Variants in NRXN1 observed in about 807,000 individuals in gnomAD.
The protein encoded by NRXN1 is neurexin 1, also known as neurexin-1.
NRXN1 carries 39 observed loss-of-function variants against 150.9 expected under a neutral mutation model. That is an observed-to-expected ratio of 0.26 (90% CI 0.20 to 0.34). The LOEUF is 0.34. Ranked by LOEUF, NRXN1 falls within the 10% of genes least tolerant of loss-of-function variation. The pLI, the probability that NRXN1 is intolerant of heterozygous loss-of-function variation, is 1.00. For synonymous variants in NRXN1, 924 were observed against 757.0 expected (o/e 1.22, Z -3.62); for missense variants, 1,815 against 1,949.9 (o/e 0.93, Z 1.30).
chr2:50,963,379 C>T (rs1693515373), intron 2 of NRXN1, among the ~76,000 whole-genome samples: 1 of 151,578 alleles, frequency 6.6e-6, no homozygotes, highest in Non-Finnish European at 1.5e-5. Context: ...TTCCTCCTTT[C>T]ATTCCCTGAA....
At chr2:50,864,630 CA>C (rs1333249281) in intron 5 of NRXN1, among the ~76,000 whole-genome samples, 1 of 151,952 alleles carries the variant, frequency 6.6e-6, no homozygotes, top group African/African-American at 2.4e-5. Flanking sequence ...TGCCATATCA[CA>C]AAAAATATTC....
chr2:50,076,400 C>A (rs1697111123), intron 19 of NRXN1, among the ~76,000 whole-genome samples: 1 of 152,204 alleles, frequency 6.6e-6, no homozygotes, highest in African/African-American at 2.4e-5. Flanking sequence ...TTTTACTCAG[C>A]ACTTACTACT....
intron 17 of NRXN1, among the ~76,000 whole-genome samples, chr2:50,302,316 A>C (rs781005091): frequency 2.0e-5 from 3 of 152,208 alleles, no homozygotes; most frequent in Admixed American, 6.5e-5. Flanking sequence ...AACTTTAATT[A>C]AAGTTTCATA....
intron 5 of NRXN1, among the ~76,000 whole-genome samples, chr2:50,807,203 A>C (rs1030537846): frequency 6.6e-6 from 1 of 152,118 alleles, no homozygotes; most frequent in African/African-American, 2.4e-5. Flanking sequence ...GAAGACATAA[A>C]GATATAAAAA....
Position 50,230,764 on chromosome 2 carries a change from T to C in NRXN1, c.3546+6025A>G, listed in dbSNP as rs550418746. Among the ~76,000 whole-genome samples, 13 of 152,172 alleles carry C rather than the reference T, an allele frequency of 8.5e-5. No individual in the cohort carries two copies. The South Asian group carries it at 2.5e-3, about 29-fold the overall frequency. ...GACCAGTAATTTAGAAGTTGAGAAATTGAATTAACTTCCAAGGGAAAAGGA... is the reference window on the plus strand; with the variant it reads ...GACCAGTAATTTAGAAGTTGAGAAACTGAATTAACTTCCAAGGGAAAAGGA... On this transcript the variant is annotated intron_variant, in intron 18 of 22. Transcript: ENST00000401669.
intron 5 of NRXN1, among the ~76,000 whole-genome samples, chr2:50,868,568 T>A (rs2106082672): frequency 6.6e-6 from 1 of 151,788 alleles, no homozygotes; most frequent in Non-Finnish European, 1.5e-5. Context: ...ATAAAAAAAA[T>A]TAACTTCAAA....
intron 8 of NRXN1, among the ~76,000 whole-genome samples, chr2:50,610,933 A>G (rs1268835930): frequency 2.0e-5 from 3 of 149,646 alleles, no homozygotes; most frequent in South Asian, 2.1e-4. Flanking sequence ...TTTAATAGAG[A>G]TGGGATTTCA....
chr2:49,974,401 C>T (rs1678574019), intron 21 of NRXN1, among the ~76,000 whole-genome samples: 1 of 152,056 alleles, frequency 6.6e-6, no homozygotes, highest in Admixed American at 6.6e-5. Flanking sequence ...TCCCTCTAAC[C>T]CCCGACCGAA....
Position 50,538,587 on chromosome 2 carries a change from C to T in NRXN1, c.1809G>A (p.Glu603=). The part of the protein sequence containing the change: ...TLRTPYTAPG[E]SEILDLDDEL... ...CATCATCCAGGTCCAGAATCTCACTCTCACCAGGAGCAGTGTAGGGAGTAC... is the reference window on the plus strand; with the variant it reads ...CATCATCCAGGTCCAGAATCTCACTTTCACCAGGAGCAGTGTAGGGAGTAC... The change falls in exon 10 of 23, where the codon GAG becomes GAA. Residue 603 remains glutamate, a synonymous_variant. Transcript: ENST00000401669. 1 of 1,555,584 alleles carries T rather than the reference C, an allele frequency of 6.4e-7. No homozygotes were observed. The highest frequency in any genetic ancestry group is 1.4e-5 in the African/African-American group (1 of 73,586).
chr2:50,651,478 ACATGACATG>A (rs1559075673), intron 5 of NRXN1, among the ~76,000 whole-genome samples: 52 of 131,160 alleles, frequency 4.0e-4, no homozygotes, highest in African/African-American at 1.5e-3. Flanking sequence ...ACGTAACATG[ACATGACATG>A]ACATGACATG....
At chr2:50,259,610 T>A (rs1013509166) in intron 17 of NRXN1, among the ~76,000 whole-genome samples, 2 of 151,822 alleles carry the variant, frequency 1.3e-5, no homozygotes, top group African/African-American at 4.8e-5. Context: ...CTCAAAGTTA[T>A]AAACACAATT....
At chr2:50,484,910 C>G (rs2090755742) in intron 15 of NRXN1, among the ~76,000 whole-genome samples, 1 of 152,048 alleles carries the variant, frequency 6.6e-6, no homozygotes. Flanking sequence ...GATATTTCCC[C>G]CCAAGATTAA....
chr2:50,357,285 C>CATTTATTTATTTATTT (rs149751076), intron 17 of NRXN1, among the ~76,000 whole-genome samples: 62 of 140,932 alleles, frequency 4.4e-4, no homozygotes, highest in East Asian at 1.7e-3. Flanking sequence ...ATAAATAATA[C>CATTTATTTATTTATTT]ATTTATTTAT....
chr2:49,961,121 T>C (rs1487890392), intron 21 of NRXN1, among the ~76,000 whole-genome samples: 1 of 152,066 alleles, frequency 6.6e-6, no homozygotes, highest in Non-Finnish European at 1.5e-5. Context: ...TAGCGAAAAC[T>C]TGCTGCAAAT....
rs796897527 is a variant in NRXN1 at position 50,012,501 on chromosome 2, A to G, written c.4128+40770T>C. Among the ~76,000 whole-genome samples the G allele has an allele frequency of 3.3e-5, 5 of 152,102 alleles. No homozygotes were observed. In the South Asian group the frequency reaches 8.3e-4, roughly 25 times the overall value. On this transcript the variant is annotated intron_variant, in intron 21 of 22. Transcript: ENST00000401669. ...CTATTTCTGGTTTTCATTTTTCTTTAAAAAAGAAAGAAGAGCTTGAATAGA... is the reference window on the plus strand; with the variant it reads ...CTATTTCTGGTTTTCATTTTTCTTTGAAAAAGAAAGAAGAGCTTGAATAGA...
At chr2:50,766,894 T>G (rs1156269042) in intron 5 of NRXN1, among the ~76,000 whole-genome samples, 2 of 152,100 alleles carry the variant, frequency 1.3e-5, no homozygotes, top group South Asian at 2.1e-4. Context: ...CTGGGAGATT[T>G]GTTTAAAGGA....
intron 3 of NRXN1, among the ~76,000 whole-genome samples, chr2:50,925,245 ATGTTT>A (rs1686687650): frequency 2.0e-5 from 3 of 151,836 alleles, no homozygotes; most frequent in Non-Finnish European, 4.4e-5. Context: ...ATAAGGAAAT[ATGTTT>A]TAATTTGCTG....
At chr2:51,011,189 T>C (rs939727192) in intron 2 of NRXN1, among the ~76,000 whole-genome samples, 1 of 152,064 alleles carries the variant, frequency 6.6e-6, no homozygotes, top group African/African-American at 2.4e-5. Flanking sequence ...TACTAGCTAT[T>C]TGATATTCTC....
intron 5 of NRXN1, among the ~76,000 whole-genome samples, chr2:50,709,448 G>A (rs927438319): frequency 4.6e-5 from 7 of 152,048 alleles, no homozygotes; most frequent in African/African-American, 9.7e-5. Flanking sequence ...CATCAGAAAC[G>A]GCTTCTCAGA....
Sources: gnomAD v4.1 joint callset for allele counts (sites outside exome capture counted in the v4.1 genomes callset) on GRCh38, gnomAD v4.1.1 for gene constraint, MANE v1.5 for transcripts, NCBI Gene and HGNC (gene_info 2026-07-23, HGNC 2026-07-21) for gene names.